The following IGF2BP2 variants were observed in gnomAD, a reference collection of about 807,000 sequenced individuals.
The protein encoded by IGF2BP2 is insulin like growth factor 2 mRNA binding protein 2.
Under a neutral mutation model 75.8 loss-of-function variants are expected in IGF2BP2, and 17 were observed. The observed-to-expected ratio is 0.22, with a 90% CI of 0.15 to 0.34. The LOEUF is 0.34. IGF2BP2 is among the 10% of genes least tolerant of loss of function. The pLI, the probability that IGF2BP2 is intolerant of heterozygous loss-of-function variation, is 1.00. For synonymous variants in IGF2BP2, 288 were observed against 295.6 expected (o/e 0.97, Z 0.26); for missense variants, 516 against 772.4 (o/e 0.67, Z 3.93).
intron 2 of IGF2BP2, among the ~76,000 whole-genome samples, chr3:185,764,205 C>T (rs1406283588): frequency 6.6e-6 from 1 of 151,866 alleles, no homozygotes; most frequent in Non-Finnish European, 1.5e-5. Context: ...AAAATTATCA[C>T]CAGAAAGCTC....
chr3:185,793,200 G>A (rs1011744081), intron 2 of IGF2BP2, among the ~76,000 whole-genome samples: 1 of 152,122 alleles, frequency 6.6e-6, no homozygotes, highest in Non-Finnish European at 1.5e-5. Context: ...AAAAGGTGTG[G>A]TGTGGCAGAA....
chr3:185,714,010 T>C (rs1186496398), intron 2 of IGF2BP2, among the ~76,000 whole-genome samples: 1 of 152,258 alleles, frequency 6.6e-6, no homozygotes, highest in Non-Finnish European at 1.5e-5. Flanking sequence ...CCAAGTACTG[T>C]ATATTCTTTG....
intron 2 of IGF2BP2, among the ~76,000 whole-genome samples, chr3:185,743,061 T>A (rs1729783614): frequency 1.3e-5 from 2 of 151,958 alleles, no homozygotes; most frequent in Admixed American, 6.6e-5. Context: ...ATCGTGCCAC[T>A]GCACTCCAGC....
intron 2 of IGF2BP2, among the ~76,000 whole-genome samples, chr3:185,784,267 T>TAGATAGATAGACAGACAGACAGAC (rs144352498): frequency 2.1e-4 from 32 of 151,736 alleles, no homozygotes; most frequent in Middle Eastern, 3.4e-3. Context: ...GATAGATAGA[T>TAGATAGATAGACAGACAGACAGAC]AGACAGACAG....
At chr3:185,806,609 T>C (rs1455432884) in intron 2 of IGF2BP2, among the ~76,000 whole-genome samples, 1 of 152,218 alleles carries the variant, frequency 6.6e-6, no homozygotes, top group Non-Finnish European at 1.5e-5. Context: ...TTATACACTA[T>C]ACTTGACTGA....
intron 12 of IGF2BP2, among the ~76,000 whole-genome samples, chr3:185,655,869 C>G (rs1715355649): frequency 6.6e-6 from 1 of 152,208 alleles, no homozygotes; most frequent in Admixed American, 6.5e-5. Flanking sequence ...GTGAAAACTC[C>G]CTAGGCCCCA....
chr3:185,675,674 ATTGCATCACT>A, intron 8 of IGF2BP2, 107 bp downstream of exon 8: 2 of 1,308,106 alleles, frequency 1.5e-6, no homozygotes, highest in Non-Finnish European at 1.1e-6. Context: ...GATGGAGATA[ATTGCATCACT>A]TATGATTATA....
intron 12 of IGF2BP2, among the ~76,000 whole-genome samples, chr3:185,652,459 A>G (rs1050426331): frequency 1.3e-5 from 2 of 152,134 alleles, no homozygotes; most frequent in Admixed American, 6.5e-5. Context: ...CCTCTCATTG[A>G]GCCAAGTTTT....
rs1425677112 is a variant in IGF2BP2, at chr3:185,689,410, T to C, written c.622A>G (p.Ile208Val). 7 of 1,613,910 alleles carry C rather than the reference T, an allele frequency of 4.3e-6. No individual in the cohort carries two copies. The highest frequency in any genetic ancestry group is 1.1e-5 in the South Asian group (1 of 91,072). ...ILVPTQFVGA[I>V]IGKEGLTIKN... is the part of the protein sequence containing the mutation. ...ATGGTCAAGCCCTCCTTTCCGATGA[T>C]GGCACCAACAAACTGGGTGGGGACC... is the stretch of plus-strand genomic sequence containing the variant. The change falls in exon 6 of 16, where the codon ATC (isoleucine) becomes GTC (valine). Residue 208 changes from isoleucine to valine, a missense_variant. Around this residue, in one of 3 missense-constraint regions of IGF2BP2, gnomAD observed 312 missense variants for 474.5 expected, o/e 0.66. Transcript: ENST00000382199.
intron 2 of IGF2BP2, among the ~76,000 whole-genome samples, chr3:185,787,959 G>A (rs898934735): frequency 2.0e-5 from 3 of 152,016 alleles, no homozygotes; most frequent in Admixed American, 2.0e-4. Flanking sequence ...AGATTCATTC[G>A]TGGCAAAAAT....
At chr3:185,780,565 G>A (rs1380283023) in intron 2 of IGF2BP2, among the ~76,000 whole-genome samples, 2 of 152,060 alleles carry the variant, frequency 1.3e-5, no homozygotes, top group East Asian at 1.9e-4. Flanking sequence ...TATATTCTGC[G>A]CTATTTAAAA....
chr3:185,688,922 C>T (rs942946468), intron 6 of IGF2BP2, among the ~76,000 whole-genome samples: 31 of 152,192 alleles, frequency 2.0e-4, no homozygotes, highest in African/African-American at 7.2e-4. Context: ...TTATTTCTTG[C>T]TTGACGTGGC....
intron 2 of IGF2BP2, among the ~76,000 whole-genome samples, chr3:185,769,764 T>C (rs1162273010): frequency 1.4e-5 from 2 of 141,786 alleles, no homozygotes; most frequent in African/African-American, 2.7e-5. Context: ...AGGAGGTCAA[T>C]GCTGCAGTGA....
At chr3:185,750,745 C>A (rs1730856488) in intron 2 of IGF2BP2, among the ~76,000 whole-genome samples, 1 of 152,198 alleles carries the variant, frequency 6.6e-6, no homozygotes, top group Non-Finnish European at 1.5e-5. Context: ...TCCAGACCCC[C>A]CTCATATACT....
chr3:185,645,701 G>A lies in IGF2BP2; in HGVS notation c.1708-78C>T. ...GTTCTGAGGACAAACGGCAGGGGAG[G>A]CTCTGGGGCTTGGGGATGAAGGGTG... On this transcript the variant is annotated intron_variant, in intron 15 of 15. Coordinates refer to ENST00000382199, the MANE Select transcript of IGF2BP2 (RefSeq NM_006548.6). This position sits in a 1 kb window ranked among gnomAD's most constrained non-coding sequence, Gnocchi z 4.9. 9 of 1,041,554 alleles carry A rather than the reference G, an allele frequency of 8.6e-6. No homozygotes were observed. The highest frequency in any genetic ancestry group is 1.4e-5 in the Non-Finnish European group (9 of 663,544). The allele number at this position is 1,041,554 out of a possible 1,614,324, so 64.5% of individuals were successfully genotyped here.
intron 13 of IGF2BP2, among the ~76,000 whole-genome samples, chr3:185,651,687 A>G (rs773219082): frequency 7.2e-4 from 110 of 152,370 alleles, no homozygotes; most frequent in South Asian, 4.1e-3. Context: ...CAAAAACAAA[A>G]CAAAGCAAAA....
intron 2 of IGF2BP2, among the ~76,000 whole-genome samples, chr3:185,805,752 C>T (rs185865213): frequency 6.7e-6 from 1 of 149,712 alleles, no homozygotes; most frequent in African/African-American, 2.4e-5. Flanking sequence ...GGGAAGATTA[C>T]AAAAATGTGA....
chr3:185,666,734 T>C (rs1234610815), intron 10 of IGF2BP2, among the ~76,000 whole-genome samples: 1 of 152,166 alleles, frequency 6.6e-6, no homozygotes, highest in Non-Finnish European at 1.5e-5. Context: ...TATCACTTTA[T>C]ATCAATACAC....
At chr3:185,775,628 T>C (rs1001669095) in intron 2 of IGF2BP2, among the ~76,000 whole-genome samples, 32 of 152,130 alleles carry the variant, frequency 2.1e-4, no homozygotes, top group African/African-American at 7.7e-4. Context: ...GGTTGGGGAA[T>C]GGCAAAACAT....
Sources: allele counts gnomAD v4.1 joint callset (sites outside exome capture counted in the v4.1 genomes callset), GRCh38; gene constraint gnomAD v4.1.1; regional missense constraint gnomAD v4.1.1; non-coding constraint Gnocchi (gnomAD v3.1); transcripts MANE v1.5; gene names NCBI Gene and HGNC (gene_info 2026-07-23, HGNC 2026-07-21).